The following MAGI1 variants were observed in gnomAD, a reference collection of about 807,000 sequenced individuals.
The protein encoded by MAGI1 is membrane-associated guanylate kinase, WW and PDZ domain-containing protein 1.
Under a neutral mutation model 139.9 loss-of-function variants are expected in MAGI1, and 58 were observed. That is an observed-to-expected ratio of 0.41 (90% CI 0.34 to 0.52). The LOEUF (loss-of-function observed/expected upper bound fraction) is 0.52. Ranked by LOEUF, MAGI1 falls within the 20% of genes least tolerant of loss-of-function variation. MAGI1 has a pLI of 0.12. For missense variants in MAGI1, 1,874 were observed against 1,901.6 expected (o/e 0.99, Z 0.27); for synonymous variants, 812 against 737.9 (o/e 1.10, Z -1.63).
At chr3:65,598,102 A>T (rs2082310951) in intron 2 of MAGI1, among the ~76,000 whole-genome samples, 1 of 152,160 alleles carries the variant, frequency 6.6e-6, no homozygotes, top group Admixed American at 6.5e-5. Context: ...TTTCTAACAC[A>T]TGACAACAAT....
chr3:65,818,426 A>G (rs528635208), intron 1 of MAGI1, among the ~76,000 whole-genome samples: 1 of 152,200 alleles, frequency 6.6e-6, no homozygotes, highest in Non-Finnish European at 1.5e-5. Context: ...GAGAGTAAGC[A>G]CAGCGTGCAG....
At chr3:65,825,209 T>C (rs2042158902) in intron 1 of MAGI1, among the ~76,000 whole-genome samples, 1 of 152,232 alleles carries the variant, frequency 6.6e-6, no homozygotes, top group Non-Finnish European at 1.5e-5. Flanking sequence ...AGCTTATCAA[T>C]TAAACATTTT....
chr3:65,491,460 C>T (rs960961452), intron 3 of MAGI1, among the ~76,000 whole-genome samples: 3 of 152,090 alleles, frequency 2.0e-5, no homozygotes, highest in Non-Finnish European at 4.4e-5. Flanking sequence ...CGACCCAATC[C>T]TCTTTTGCTT....
At chr3:65,634,428 G>A (rs369148217) in intron 1 of MAGI1, among the ~76,000 whole-genome samples, 68 of 152,336 alleles carry the variant, frequency 4.5e-4, no homozygotes, top group African/African-American at 1.4e-3. Flanking sequence ...CCCACAGAGT[G>A]TGTTTCTTTC....
chr3:65,890,422 G>A (rs541871764), intron 1 of MAGI1, among the ~76,000 whole-genome samples: 2 of 152,016 alleles, frequency 1.3e-5, no homozygotes, highest in East Asian at 3.9e-4. Context: ...CTCACACACA[G>A]GCACACACAC....
chr3:65,793,745 C>T (rs1332303602), intron 1 of MAGI1, among the ~76,000 whole-genome samples: 1 of 152,200 alleles, frequency 6.6e-6, no homozygotes, highest in Non-Finnish European at 1.5e-5. Flanking sequence ...GTCCACTAGT[C>T]TCTCCTTTCA....
At chr3:65,842,519 G>A (rs376818683) in intron 1 of MAGI1, among the ~76,000 whole-genome samples, 29 of 152,070 alleles carry the variant, frequency 1.9e-4, no homozygotes, top group African/African-American at 5.3e-4. Flanking sequence ...GTGCCACCAC[G>A]CTGGGCTAAT....
intron 1 of MAGI1, among the ~76,000 whole-genome samples, chr3:65,805,322 C>CA: frequency 6.6e-6 from 1 of 152,178 alleles, no homozygotes. Flanking sequence ...ATGCAGCCAA[C>CA]AAACGTATGA....
intron 1 of MAGI1, among the ~76,000 whole-genome samples, chr3:65,690,183 GAGT>G (rs2107556324): frequency 1.3e-5 from 2 of 150,900 alleles, no homozygotes; most frequent in Admixed American, 1.3e-4. Flanking sequence ...ACTGCAAATA[GAGT>G]AGACTACATG....
intron 1 of MAGI1, among the ~76,000 whole-genome samples, chr3:65,749,676 AAAAT>A (rs2035980836): frequency 6.6e-6 from 1 of 151,684 alleles, no homozygotes; most frequent in Admixed American, 6.6e-5. Context: ...CTATGGGAAT[AAAAT>A]AAATATATAA....
intron 1 of MAGI1, among the ~76,000 whole-genome samples, chr3:65,702,341 A>G (rs2089672364): frequency 6.6e-6 from 1 of 152,206 alleles, no homozygotes; most frequent in Non-Finnish European, 1.5e-5. Context: ...GAGTTTCCAC[A>G]GTGGAACCCA....
At chr3:65,758,823 G>A (rs150708935) in intron 1 of MAGI1, among the ~76,000 whole-genome samples, 10 of 152,124 alleles carry the variant, frequency 6.6e-5, no homozygotes, top group Non-Finnish European at 1.2e-4. Flanking sequence ...TCTCAAAAAC[G>A]TAAACTTTCT....
At chr3:66,035,956 A>G (rs1029739542) in intron 1 of MAGI1, among the ~76,000 whole-genome samples, 2 of 152,170 alleles carry the variant, frequency 1.3e-5, no homozygotes, top group African/African-American at 4.8e-5. Context: ...CATCTTGCAC[A>G]CTGCAAACAC....
intron 2 of MAGI1, among the ~76,000 whole-genome samples, chr3:65,571,415 G>T (rs1470310500): frequency 1.3e-5 from 2 of 151,960 alleles, no homozygotes; most frequent in Non-Finnish European, 2.9e-5. Flanking sequence ...AAAGAAAATG[G>T]TATAGTGTTA....
intron 18 of MAGI1, among the ~76,000 whole-genome samples, chr3:65,374,113 C>T (rs1942267497): frequency 6.6e-6 from 1 of 151,982 alleles, no homozygotes; most frequent in Admixed American, 6.6e-5. Flanking sequence ...TCTTCATAAA[C>T]TAGATTTTTT....
intron 2 of MAGI1, among the ~76,000 whole-genome samples, chr3:65,583,096 C>G (rs1313236714): frequency 6.6e-6 from 1 of 151,998 alleles, no homozygotes; most frequent in Non-Finnish European, 1.5e-5. Flanking sequence ...GATATTTTGC[C>G]TTTTATCTCT....
At chr3:65,656,979 C>CAAAAAA (rs58817001) in intron 1 of MAGI1, among the ~76,000 whole-genome samples, 13 of 73,910 alleles carry the variant, frequency 1.8e-4, no homozygotes, top group Non-Finnish European at 2.4e-4. Context: ...GACACCATCT[C>CAAAAAA]AAAAAAAAAA....
intron 1 of MAGI1, among the ~76,000 whole-genome samples, chr3:66,026,010 A>T (rs2068240761): frequency 1.3e-5 from 2 of 152,170 alleles, no homozygotes; most frequent in Non-Finnish European, 2.9e-5. Flanking sequence ...AATGTTAAAA[A>T]AACACATGCT....
chr3:65,704,611 A>G (rs1476815646), intron 1 of MAGI1, among the ~76,000 whole-genome samples: 1 of 152,176 alleles, frequency 6.6e-6, no homozygotes, highest in African/African-American at 2.4e-5. Context: ...AAAAGAGTCA[A>G]TGGGGCTTAT....
Sources: allele counts gnomAD v4.1 joint callset (sites outside exome capture counted in the v4.1 genomes callset), GRCh38; gene constraint gnomAD v4.1.1; transcripts MANE v1.5; gene names NCBI Gene and HGNC (gene_info 2026-07-23, HGNC 2026-07-21).